The following DNAH9 variants were observed in gnomAD, a reference collection of about 807,000 sequenced individuals.
The protein encoded by DNAH9 is DNAH9 variant protein.
Under a neutral mutation model 471.6 loss-of-function variants are expected in DNAH9, and 345 were observed. The ratio of observed to expected loss-of-function variants is 0.73; its 90% CI spans 0.67 to 0.80. The LOEUF (loss-of-function observed/expected upper bound fraction) is 0.80, where lower values mean the gene tolerates loss of function less well. DNAH9 is among the 30% of genes least tolerant of loss of function. DNAH9 has a pLI of 0.00. For synonymous variants in DNAH9, 2,093 were observed against 2,123.6 expected (o/e 0.99, Z 0.40); for missense variants, 5,407 against 5,609.2 (o/e 0.96, Z 1.15).
intron 55 of DNAH9, 38 bp downstream of exon 55, chr17:11,881,451 C>A (rs779463574): frequency 6.3e-7 from 1 of 1,588,496 alleles, no homozygotes; most frequent in Non-Finnish European, 8.6e-7. Context: ...GCCACTAGAG[C>A]CTGCAGTGTA....
intron 60 of DNAH9, 135 bp downstream of exon 60, chr17:11,903,047 A>G: frequency 9.7e-7 from 1 of 1,031,138 alleles, no homozygotes; most frequent in Non-Finnish European, 1.4e-6. Flanking sequence ...GGGAATAGAA[A>G]TTAACTAAAC....
At chr17:11,869,915 A>G (rs1309157337) in intron 51 of DNAH9, among the ~76,000 whole-genome samples, 1 of 152,204 alleles carries the variant, frequency 6.6e-6, no homozygotes, top group Admixed American at 6.5e-5. Flanking sequence ...GACTGGGGTC[A>G]CTTGGTACAT....
chr17:11,967,544 GAC>G (rs1468427829), intron 68 of DNAH9, among the ~76,000 whole-genome samples: 1 of 152,144 alleles, frequency 6.6e-6, no homozygotes, highest in African/African-American at 2.4e-5. Flanking sequence ...AAATAAAAAA[GAC>G]ATATAGAAAA....
rs2073408859 is a variant in DNAH9, at chr17:11,647,099, G to T, written c.1998G>T (p.Trp666Cys). The change falls in exon 12 of 69, where the codon TGG (tryptophan) becomes TGT (cysteine). Residue 666 changes from tryptophan (W) to cysteine (C), a missense_variant. This residue lies in a region of DNAH9 where 4,636 missense variants were observed against 4,900.3 expected (regional missense o/e 0.95). Transcript: ENST00000262442. ...ATGAGACAAGACTTTATGAGGATTGGTGCCGGACAGTATCAGAGAAGTCAC... is the reference window on the plus strand; with the variant it reads ...ATGAGACAAGACTTTATGAGGATTGTTGCCGGACAGTATCAGAGAAGTCAC... Reference protein sequence around the residue: ...EKYETRLYEDWCRTVSEKSQY... With the variant: ...EKYETRLYEDCCRTVSEKSQY... 6.2e-7 allele frequency: 1 copy of T among 1,613,890 alleles called. No individual in the cohort carries two copies. The highest frequency in any genetic ancestry group is 1.7e-5 in the Admixed American group (1 of 59,986).
chr17:11,745,284 T>A (rs1209831202), intron 31 of DNAH9, among the ~76,000 whole-genome samples, 200 bp downstream of exon 31: 1 of 152,188 alleles, frequency 6.6e-6, no homozygotes, highest in Non-Finnish European at 1.5e-5. Flanking sequence ...AAGGGAAAGT[T>A]GGAGGATCCT....
At chr17:11,894,053 T>C (rs923342957) in intron 58 of DNAH9, among the ~76,000 whole-genome samples, 1 of 152,324 alleles carries the variant, frequency 6.6e-6, no homozygotes, top group East Asian at 1.9e-4. Context: ...ATGTCATTTG[T>C]ATGTGTCATC....
chr17:11,897,348 A>C (rs1345828819), intron 59 of DNAH9, among the ~76,000 whole-genome samples: 1 of 152,310 alleles, frequency 6.6e-6, no homozygotes, highest in Non-Finnish European at 1.5e-5. Context: ...AATCTTTAGA[A>C]GTTTTCCAAT....
intron 43 of DNAH9, 75 bp from the exon 44 acceptor site, chr17:11,807,657 A>T: frequency 6.7e-7 from 1 of 1,502,718 alleles, no homozygotes; most frequent in East Asian, 2.3e-5. Flanking sequence ...CCCTGCTCCC[A>T]CTCAAGCCTT....
At chr17:11,604,922 G>C (rs1486284702) in intron 1 of DNAH9, among the ~76,000 whole-genome samples, 2 of 152,036 alleles carry the variant, frequency 1.3e-5, no homozygotes, top group Non-Finnish European at 2.9e-5. Context: ...TACTCAAAAC[G>C]ATCTCAGCCT....
At chr17:11,698,478 T>C (rs955765764) in intron 22 of DNAH9, among the ~76,000 whole-genome samples, 2 of 150,798 alleles carry the variant, frequency 1.3e-5, no homozygotes, top group Admixed American at 1.3e-4. Flanking sequence ...TCTATATTGT[T>C]GTTATTTTTA....
chr17:11,712,334 G>T (rs569855589), intron 26 of DNAH9, among the ~76,000 whole-genome samples: 6 of 151,228 alleles, frequency 4.0e-5, no homozygotes, highest in African/African-American at 1.5e-4. Context: ...CCATTCAACC[G>T]ATGGACACTT....
intron 12 of DNAH9, among the ~76,000 whole-genome samples, chr17:11,648,208 T>G (rs945073370): frequency 3.3e-5 from 5 of 152,188 alleles, no homozygotes; most frequent in African/African-American, 9.6e-5. Context: ...CACTATAGAT[T>G]GAGCTGAAAA....
intron 30 of DNAH9, 92 bp downstream of exon 30, chr17:11,742,405 T>A: frequency 7.8e-7 from 1 of 1,279,842 alleles, no homozygotes; most frequent in African/African-American, 1.5e-5. Flanking sequence ...GAAAACATAC[T>A]CAAGCTTTCT....
rs2074328210 is a variant in DNAH9 at position 11,691,210 on chromosome 17, A to G, written c.4614+774A>G. 2.0e-5 allele frequency among the ~76,000 whole-genome samples: 3 copies of G among 152,330 alleles called. No homozygotes were observed. In the East Asian group the frequency reaches 5.8e-4, roughly 29 times the overall value. ...TCCCAAAAAGCATATTTAGTGTAAT[A>G]CTATAGATTAAAGGTTGTATATTTG... is the stretch of plus-strand genomic sequence containing the variant. On this transcript the variant is annotated intron_variant, in intron 20 of 68. Coordinates refer to ENST00000262442, the MANE Select transcript of DNAH9 (RefSeq NM_001372.4).
At chr17:11,924,991 C>T (rs1315012857) in intron 62 of DNAH9, among the ~76,000 whole-genome samples, 1 of 152,188 alleles carries the variant, frequency 6.6e-6, no homozygotes, top group Non-Finnish European at 1.5e-5. Context: ...TCTCTCAGGG[C>T]CGGCCTGCCT....
intron 1 of DNAH9, among the ~76,000 whole-genome samples, chr17:11,603,711 G>T (rs574094856): frequency 2.0e-5 from 3 of 152,176 alleles, no homozygotes; most frequent in South Asian, 4.2e-4. Flanking sequence ...AGAATTCCTG[G>T]AATGTGTGTC....
At position 11,871,615 on chromosome 17, in the gene DNAH9, T is replaced by C. The variant is rs749450522; in HGVS notation, c.10071T>C (p.Ser3357=). The change falls in exon 52 of 69, where the codon TCT becomes TCC. Residue 3357 remains serine, a synonymous_variant. Transcript: ENST00000262442. ...LANRLVGGLA[S]ENVRWADAVQ... ...AATGGTAGGTTGGAGGACTCGCTTCTGAAAACGTGAGGTGGGCAGATGCCG... is the reference window on the plus strand; with the variant it reads ...AATGGTAGGTTGGAGGACTCGCTTCCGAAAACGTGAGGTGGGCAGATGCCG... 9.9e-6 allele frequency: 16 copies of C among 1,613,772 alleles called. No homozygotes were observed. The highest frequency in any genetic ancestry group is 1.4e-5 in the Non-Finnish European group (16 of 1,179,736).
intron 35 of DNAH9, among the ~76,000 whole-genome samples, chr17:11,761,337 A>T (rs1029732869): frequency 6.6e-6 from 1 of 152,196 alleles, no homozygotes; most frequent in Non-Finnish European, 1.5e-5. Flanking sequence ...TCTGCCAGTG[A>T]CCAGCTCCCT....
intron 1 of DNAH9, among the ~76,000 whole-genome samples, chr17:11,600,887 T>C (rs757810960): frequency 9.9e-5 from 15 of 152,192 alleles, no homozygotes; most frequent in Non-Finnish European, 2.2e-4. Flanking sequence ...CAACCACATA[T>C]GCATTATTGT....
Sources: gnomAD v4.1 joint callset for allele counts (sites outside exome capture counted in the v4.1 genomes callset) on GRCh38, gnomAD v4.1.1 for gene constraint, gnomAD v4.1.1 regional missense constraint, MANE v1.5 for transcripts, NCBI Gene and HGNC (gene_info 2026-07-23, HGNC 2026-07-21) for gene names.